The following PAAF1 variants were observed in gnomAD, a reference collection of about 807,000 sequenced individuals.
PAAF1 encodes proteasomal ATPase associated factor 1.
A neutral mutation model predicts 52.8 loss-of-function variants in PAAF1; 46 were observed. The observed-to-expected ratio is 0.87, with a 90% CI of 0.69 to 1.11. The LOEUF (loss-of-function observed/expected upper bound fraction) is 1.11, where lower values mean the gene tolerates loss of function less well. Ranked by LOEUF, PAAF1 falls within the 50% of genes most tolerant of loss-of-function variation. PAAF1 has a pLI of 0.00. For synonymous variants in PAAF1, 178 were observed against 172.8 expected (o/e 1.03, Z -0.24); for missense variants, 424 against 477.4 (o/e 0.89, Z 1.04).
At chr11:73,908,339 G>A (rs201124232) in intron 6 of PAAF1, among the ~76,000 whole-genome samples, 2 of 111,336 alleles carry the variant, frequency 1.8e-5, no homozygotes, top group African/African-American at 6.4e-5. Flanking sequence ...ATATATATGT[G>A]TATATATGTG....
chr11:73,904,437 C>T (rs1474861699), intron 6 of PAAF1, among the ~76,000 whole-genome samples: 2 of 152,178 alleles, frequency 1.3e-5, no homozygotes, highest in Admixed American at 6.5e-5. Flanking sequence ...GACCAAATTA[C>T]ACCCTATTTT....
chr11:73,884,327 C>G (rs1948999800), intron 2 of PAAF1, among the ~76,000 whole-genome samples: 1 of 151,968 alleles, frequency 6.6e-6, no homozygotes. Context: ...TAGTGAGACT[C>G]TGTCTCTACT....
intron 2 of PAAF1, chr11:73,879,465 G>T (rs140291926): frequency 1.4e-4 from 22 of 152,244 alleles, no homozygotes; most frequent in African/African-American, 5.3e-4. Flanking sequence ...AACCGAGGTG[G>T]TACCATTCTA....
At chr11:73,902,122 A>G (rs1949637114) in intron 6 of PAAF1, among the ~76,000 whole-genome samples, 1 of 152,208 alleles carries the variant, frequency 6.6e-6, no homozygotes, top group African/African-American at 2.4e-5. Context: ...TTGGCCTCCC[A>G]AAGTGCTGGG....
chr11:73,921,145 C>G lies in PAAF1; in HGVS notation c.1018+2113C>G, dbSNP rs950415458. Among the ~76,000 whole-genome samples the G allele has an allele frequency of 2.6e-5, 4 of 151,670 alleles. No homozygotes were observed. The East Asian group carries it at 7.8e-4, about 30-fold the overall frequency. ...CGAAACGCCATCTCTACTAAAAATACCAATATTAGCTAGGCATGGTGGTGT... is the reference window on the plus strand; with the variant it reads ...CGAAACGCCATCTCTACTAAAAATAGCAATATTAGCTAGGCATGGTGGTGT... On this transcript the variant is annotated intron_variant, in intron 10 of 11. Coordinates refer to ENST00000310571, the MANE Select transcript of PAAF1 (RefSeq NM_025155.3).
At chr11:73,915,775 C>G (rs543516189) in intron 8 of PAAF1, among the ~76,000 whole-genome samples, 2 of 152,216 alleles carry the variant, frequency 1.3e-5, no homozygotes, top group Non-Finnish European at 2.9e-5. Context: ...CTCCTGTGAT[C>G]GTCATCCAGA....
In PAAF1 at chr11:73,918,945, C is replaced by T; in HGVS notation, c.936-5C>T. ...AGTAAAATTTCCCCTTTCTCTGAAT[C>T]CTAGGGCTCCGGTACAAGTCATCCA... On this transcript the variant is annotated splice_region_variant and splice_polypyrimidine_tract_variant and intron_variant, in intron 9 of 11. Coordinates refer to ENST00000310571, the MANE Select transcript of PAAF1 (RefSeq NM_025155.3). 1 of 1,611,652 alleles carries T rather than the reference C, an allele frequency of 6.2e-7. No individual in the cohort carries two copies.
chr11:73,890,580 A>T (rs184769384), intron 3 of PAAF1, among the ~76,000 whole-genome samples: 5 of 152,340 alleles, frequency 3.3e-5, no homozygotes, highest in African/African-American at 1.2e-4. Context: ...GGTGTACCAT[A>T]ATTTACTTTA....
chr11:73,916,610 G>C lies in PAAF1; in HGVS notation c.885G>C (p.Leu295Phe). The stretch of plus-strand genomic sequence containing the variant: ...CTTTTCTCTCTGGCTTCTTGCTATT[G>C]GCTGGGACTCAAGATGGAAACATTT... ...CCTFLSGFLLLAGTQDGNIYQ... is the reference protein window; with the variant it reads ...CCTFLSGFLLFAGTQDGNIYQ... Residue 295 changes from leucine to phenylalanine, a missense_variant, in exon 9 of 12, where the codon TTG (leucine) becomes TTC (phenylalanine). Transcript: ENST00000310571. The C allele has an allele frequency of 6.2e-7, 1 of 1,614,022 alleles. No individual in the cohort carries two copies. Among genetic ancestry groups the C allele is most frequent in the Non-Finnish European group, 8.5e-7 (1 of 1,179,968 alleles).
intron 5 of PAAF1, 90 bp from the exon 6 acceptor site, chr11:73,900,180 A>G (rs547047230): frequency 7.3e-7 from 1 of 1,367,516 alleles, no homozygotes; most frequent in East Asian, 2.4e-5. Flanking sequence ...GCATGTAGGT[A>G]TTTCATATAA....
intron 10 of PAAF1, among the ~76,000 whole-genome samples, chr11:73,920,841 G>A (rs1443060965): frequency 1.4e-5 from 2 of 145,092 alleles, no homozygotes; most frequent in Non-Finnish European, 3.0e-5. Flanking sequence ...GACAGAGTGA[G>A]ACTCTGTCTC....
At chr11:73,903,817 C>A (rs1949688637) in intron 6 of PAAF1, among the ~76,000 whole-genome samples, 2 of 151,442 alleles carry the variant, frequency 1.3e-5, no homozygotes, top group South Asian at 4.2e-4. Context: ...GGCGCAGCGT[C>A]TCACCCCTGT....
intron 3 of PAAF1, among the ~76,000 whole-genome samples, chr11:73,890,005 G>C (rs1004712930): frequency 2.6e-5 from 4 of 152,198 alleles, no homozygotes; most frequent in Non-Finnish European, 4.4e-5. Flanking sequence ...CTAATGAACT[G>C]TGAGGACCTG....
chr11:73,907,100 A>G (rs2135192857), intron 6 of PAAF1, among the ~76,000 whole-genome samples: 1 of 149,852 alleles, frequency 6.7e-6, no homozygotes, highest in South Asian at 2.1e-4. Context: ...TTTCCATTGT[A>G]AGTCTTTATG....
At chr11:73,896,022 T>C (rs565421835) in intron 4 of PAAF1, among the ~76,000 whole-genome samples, 1 of 152,202 alleles carries the variant, frequency 6.6e-6, no homozygotes, top group Non-Finnish European at 1.5e-5. Flanking sequence ...GGCAGGAGGA[T>C]CACTTGTTCC....
intron 8 of PAAF1, among the ~76,000 whole-genome samples, 190 bp from the exon 9 acceptor site, chr11:73,916,355 G>T (rs1464439130): frequency 1.3e-5 from 2 of 152,124 alleles, no homozygotes; most frequent in African/African-American, 4.8e-5. Context: ...TCAACCCCAG[G>T]TTCCTGAAAT....
At chr11:73,878,842 G>A (rs1168323642) in intron 2 of PAAF1, 23 bp downstream of exon 2, 17 of 1,609,202 alleles carry the variant, frequency 1.1e-5, no homozygotes, top group Non-Finnish European at 1.4e-5. Flanking sequence ...AATTATATAT[G>A]CTGTGACTTT....
intron 8 of PAAF1, among the ~76,000 whole-genome samples, 190 bp downstream of exon 8, chr11:73,914,694 G>A (rs1288663778): frequency 6.8e-6 from 1 of 146,964 alleles, no homozygotes; most frequent in Non-Finnish European, 1.5e-5. Context: ...TTAAATCCCA[G>A]TTCTTTTTTT....
chr11:73,896,254 CTTTT>C (rs71272248), intron 4 of PAAF1, among the ~76,000 whole-genome samples: 5 of 121,818 alleles, frequency 4.1e-5, no homozygotes, highest in Non-Finnish European at 8.8e-5. Flanking sequence ...TATCTGAACT[CTTTT>C]TTTTTTTTTT....
Sources: gnomAD v4.1 joint callset for allele counts (sites outside exome capture counted in the v4.1 genomes callset) on GRCh38, gnomAD v4.1.1 for gene constraint, MANE v1.5 for transcripts, NCBI Gene and HGNC (gene_info 2026-07-23, HGNC 2026-07-21) for gene names.